The following PRUNE2 variants were observed in gnomAD, a reference collection of about 807,000 sequenced individuals.
PRUNE2 encodes protein prune homolog 2.
A neutral mutation model predicts 252.0 loss-of-function variants in PRUNE2; 164 were observed. The observed-to-expected ratio is 0.65, with a 90% CI of 0.57 to 0.74. PRUNE2 has a LOEUF of 0.74. Ranked by LOEUF, PRUNE2 falls within the 30% of genes least tolerant of loss-of-function variation. The pLI, the probability that PRUNE2 is intolerant of heterozygous loss-of-function variation, is 0.00. For missense variants in PRUNE2, 3,495 were observed against 3,711.0 expected (o/e 0.94, Z 1.51); for synonymous variants, 1,292 against 1,350.2 (o/e 0.96, Z 0.94).
intron 1 of PRUNE2, among the ~76,000 whole-genome samples, chr9:76,874,396 G>C (rs1240148435): frequency 2.0e-5 from 3 of 152,156 alleles, no homozygotes; most frequent in Non-Finnish European, 2.9e-5. Context: ...ATTGGTGTCA[G>C]TATTGATTTT....
intron 6 of PRUNE2, among the ~76,000 whole-genome samples, chr9:76,798,007 G>A (rs746060606): frequency 6.6e-6 from 1 of 152,162 alleles, no homozygotes; most frequent in African/African-American, 2.4e-5. Context: ...TAAACACATA[G>A]GATGAGAAGC....
intron 6 of PRUNE2, chr9:76,764,542 C>T (rs1037537545): frequency 2.6e-5 from 4 of 152,202 alleles, no homozygotes; most frequent in Admixed American, 1.3e-4. Context: ...TGGGAAGGAC[C>T]TGATGATACA....
chr9:76,670,181 T>C (rs1466232125), intron 9 of PRUNE2, among the ~76,000 whole-genome samples: 2 of 151,962 alleles, frequency 1.3e-5, no homozygotes, highest in Non-Finnish European at 2.9e-5. Flanking sequence ...TGGGCACAGG[T>C]CAGTGGGTGC....
intron 6 of PRUNE2, among the ~76,000 whole-genome samples, chr9:76,809,647 G>A (rs763854036): frequency 4.6e-5 from 7 of 152,164 alleles, no homozygotes; most frequent in Non-Finnish European, 1.0e-4. Flanking sequence ...AGTGAGCTGA[G>A]ATCGTGCCAC....
chr9:76,665,760 G>A (rs906223240), intron 9 of PRUNE2, among the ~76,000 whole-genome samples: 11 of 152,144 alleles, frequency 7.2e-5, no homozygotes, highest in African/African-American at 1.7e-4. Flanking sequence ...CAGGCCAGGC[G>A]TGGTGGCTCA....
At position 76,711,146 on chromosome 9, in the gene PRUNE2, GGCA is replaced by G. The variant is rs1214908613; in HGVS notation, c.1125_1127del (p.Ala376del). 1 of 1,613,924 alleles carries G rather than the reference GGCA, an allele frequency of 6.2e-7. No homozygotes were observed. Among genetic ancestry groups the G allele is most frequent in the South Asian group, 1.1e-5 (1 of 91,076 alleles). On this transcript the variant is annotated inframe_deletion, in exon 8 of 19. Coordinates refer to ENST00000376718, the MANE Select transcript of PRUNE2 (RefSeq NM_015225.3). ...TCCCAGAAGACCCCTGGGAGAGGGG[GGCA>G]CTGCCTGCCACGGCTTCTGTTGAGG...
chr9:76,622,208 T>G (rs1447525850), intron 17 of PRUNE2, among the ~76,000 whole-genome samples: 1 of 152,176 alleles, frequency 6.6e-6, no homozygotes, highest in Non-Finnish European at 1.5e-5. Context: ...ACGAGCATAG[T>G]GCTTCCTTTA....
chr9:76,881,918 G>A (rs571241005), intron 1 of PRUNE2, among the ~76,000 whole-genome samples: 1 of 152,164 alleles, frequency 6.6e-6, no homozygotes, highest in Admixed American at 6.5e-5. Context: ...ACCGCACCTG[G>A]CCCTTTTCTG....
At position 76,619,305 on chromosome 9, in the gene PRUNE2, T is replaced by C. The variant is rs764016996; in HGVS notation, c.9236+35A>G. 13 of 1,444,912 alleles carry C rather than the reference T, an allele frequency of 9.0e-6. No homozygotes were observed. In the African/African-American group the frequency reaches 1.8e-4, roughly 20 times the overall value. 89.5% of individuals were successfully genotyped at this position (1,444,912 alleles called of 1,614,324 possible). On this transcript the variant is annotated intron_variant, in intron 18 of 18. Coordinates refer to ENST00000376718, the MANE Select transcript of PRUNE2 (RefSeq NM_015225.3). ...GAGCCCAGCCATACAACACTACAAG[T>C]AACCACATAGCTGTTATTGATGGTG...
intron 1 of PRUNE2, among the ~76,000 whole-genome samples, chr9:76,893,180 G>C (rs1041679380): frequency 9.2e-5 from 14 of 152,224 alleles, no homozygotes; most frequent in African/African-American, 3.4e-4. Flanking sequence ...ACAAGTTCAA[G>C]GGTTCAGTGA....
chr9:76,788,785 T>G (rs1202649330), intron 6 of PRUNE2, among the ~76,000 whole-genome samples: 3 of 152,214 alleles, frequency 2.0e-5, no homozygotes, highest in Non-Finnish European at 4.4e-5. Flanking sequence ...TAATTAATTC[T>G]TGACACCTGG....
At chr9:76,719,202 T>C (rs59653715) in intron 6 of PRUNE2, among the ~76,000 whole-genome samples, 6,197 of 152,208 alleles carry the variant, frequency 0.041, 220 homozygotes, top group East Asian at 0.18. Flanking sequence ...TAAAGCCTAC[T>C]GAAAGTTTCC....
intron 6 of PRUNE2, among the ~76,000 whole-genome samples, chr9:76,729,150 G>A (rs559633764): frequency 1.3e-5 from 2 of 152,314 alleles, no homozygotes; most frequent in South Asian, 4.1e-4. Flanking sequence ...GAAAGTGTGG[G>A]ACAAATGAAC....
At chr9:76,620,830 A>AT (rs1222681467) in intron 17 of PRUNE2, among the ~76,000 whole-genome samples, 1 of 152,194 alleles carries the variant, frequency 6.6e-6, no homozygotes, top group Non-Finnish European at 1.5e-5. Context: ...ATTTTGAGTA[A>AT]TCCTCCCAAG....
intron 6 of PRUNE2, among the ~76,000 whole-genome samples, chr9:76,727,956 T>C (rs950093444): frequency 2.8e-4 from 43 of 152,208 alleles, no homozygotes; most frequent in African/African-American, 1.0e-3. Flanking sequence ...CCTCAGGTGA[T>C]CTGCCTGCCT....
chr9:76,616,164 A>G (rs1370971725), intron 18 of PRUNE2, among the ~76,000 whole-genome samples: 2 of 151,982 alleles, frequency 1.3e-5, no homozygotes, highest in Non-Finnish European at 2.9e-5. Context: ...CATCATGAAT[A>G]TTTCTAGTTT....
chr9:76,741,345 C>T (rs1417599429), intron 6 of PRUNE2, among the ~76,000 whole-genome samples: 4 of 152,160 alleles, frequency 2.6e-5, no homozygotes, highest in Non-Finnish European at 5.9e-5. Flanking sequence ...GAATAGATGG[C>T]AACTAACAGT....
chr9:76,701,493 A>T (rs540361158), intron 9 of PRUNE2, among the ~76,000 whole-genome samples: 1 of 152,232 alleles, frequency 6.6e-6, no homozygotes. Context: ...AAATGCACAC[A>T]AGAAGCCAAA....
intron 2 of PRUNE2, among the ~76,000 whole-genome samples, chr9:76,851,453 C>T (rs1360446521): frequency 6.6e-6 from 1 of 151,682 alleles, no homozygotes; most frequent in Non-Finnish European, 1.5e-5. Flanking sequence ...GAGGCTGAGG[C>T]AGGAGAATGG....
Sources: gnomAD v4.1 joint callset for allele counts (sites outside exome capture counted in the v4.1 genomes callset) on GRCh38, gnomAD v4.1.1 for gene constraint, MANE v1.5 for transcripts, NCBI Gene and HGNC (gene_info 2026-07-23, HGNC 2026-07-21) for gene names.